Variants in FRYL observed in about 807,000 individuals in gnomAD.
FRYL encodes the protein FRY like transcription coactivator.
In FRYL, 150 loss-of-function variants were observed where a neutral mutation model predicts 351.2. The observed-to-expected ratio is 0.43, with a 90% CI of 0.37 to 0.49. The LOEUF (loss-of-function observed/expected upper bound fraction) is 0.49. Among genes scored for constraint, FRYL ranks in the 20% least tolerant of loss-of-function variants. The pLI is 0.00. For synonymous variants in FRYL, 1,153 were observed against 1,257.1 expected (o/e 0.92, Z 1.75); for missense variants, 3,036 against 3,619.3 (o/e 0.84, Z 4.13).
chr4:48,499,684 AAAATAC>A lies in FRYL; in HGVS notation c.8784-10_8784-5del. Reference sequence around the variant, plus strand: ...GATATCACTGGGCCAGAGAGATCTGAAAATACACAATAGTTTTTCAGTTCTGAGACT... The same window carrying A: ...GATATCACTGGGCCAGAGAGATCTGAACAATAGTTTTTCAGTTCTGAGACT... On this transcript the variant is annotated splice_polypyrimidine_tract_variant and splice_region_variant and intron_variant, in intron 63 of 63. Coordinates refer to ENST00000358350, the MANE Select transcript of FRYL (RefSeq NM_015030.2). The A allele has an allele frequency of 6.2e-7, 1 of 1,612,380 alleles. No individual in the cohort carries two copies. Among genetic ancestry groups the A allele is most frequent in the Non-Finnish European group, 8.5e-7 (1 of 1,178,948 alleles).
intron 26 of FRYL, 135 bp from the exon 27 acceptor site, chr4:48,571,053 G>A (rs1332564087): frequency 1.4e-5 from 8 of 581,816 alleles, no homozygotes; most frequent in African/African-American, 1.3e-4. Flanking sequence ...TGGGTACTCT[G>A]GTAGCTACTG....
At chr4:48,618,355 C>T (rs1749972213) in intron 7 of FRYL, 1 of 152,194 alleles carries the variant, frequency 6.6e-6, no homozygotes, top group East Asian at 1.9e-4. Flanking sequence ...AATTCAAGTA[C>T]TTTTATACTA....
At chr4:48,653,733 T>C in intron 3 of FRYL, 2 of 1,290,962 alleles carry the variant, frequency 1.5e-6, no homozygotes, top group Non-Finnish European at 2.0e-6. Flanking sequence ...TCCAGGACTT[T>C]AACAAGGACT....
rs762647686 is a variant in FRYL, at chr4:48,567,538, C to T, written c.2997-118G>A. On this transcript the variant is annotated intron_variant, in intron 27 of 63. Coordinates refer to ENST00000358350, the MANE Select transcript of FRYL (RefSeq NM_015030.2). This position sits in a 1 kb window ranked among gnomAD's most constrained non-coding sequence, Gnocchi z 4.2. ...TTAATTTTGCATGCTCATGGCAGCA[C>T]GCAACTTAATATATGAAAATTAAAT... is the stretch of plus-strand genomic sequence containing the variant. 21 of 636,314 alleles carry T rather than the reference C, an allele frequency of 3.3e-5. No homozygotes were observed. Among genetic ancestry groups the T allele is most frequent in the Admixed American group, 1.5e-4 (4 of 26,588 alleles). The allele number at this position is 636,314 out of a possible 1,614,324, so 39.4% of individuals were successfully genotyped here. A position where few individuals can be genotyped will look rare whatever the true frequency, so the allele number is the denominator to read the frequency against.
chr4:48,600,961 T>C (rs1745581488), intron 13 of FRYL, among the ~76,000 whole-genome samples: 1 of 152,068 alleles, frequency 6.6e-6, no homozygotes, highest in Admixed American at 6.6e-5. Context: ...AGAAGGAAAA[T>C]AGACAAAAAC....
intron 13 of FRYL, 56 bp from the exon 14 acceptor site, chr4:48,596,056 C>T (rs1560682974): frequency 9.0e-7 from 1 of 1,116,712 alleles, no homozygotes; most frequent in Admixed American, 2.3e-5. Context: ...CACTTAACAG[C>T]AAACATATTC....
intron 37 of FRYL, among the ~76,000 whole-genome samples, chr4:48,550,929 G>A (rs770250438): frequency 7.9e-5 from 12 of 151,980 alleles, no homozygotes; most frequent in African/African-American, 1.2e-4. Flanking sequence ...AAAATTAGCC[G>A]AGCGTGGTGA....
intron 1 of FRYL, among the ~76,000 whole-genome samples, chr4:48,776,974 A>G (rs28696800): frequency 8.6e-4 from 131 of 152,266 alleles, no homozygotes; most frequent in African/African-American, 3.0e-3. Flanking sequence ...TCCTTTTCCT[A>G]AGAATCGTAA....
chr4:48,658,693 G>T (rs1289458586), intron 3 of FRYL, among the ~76,000 whole-genome samples: 1 of 151,310 alleles, frequency 6.6e-6, no homozygotes. Flanking sequence ...AGTCGAGGCC[G>T]CAGTGAGCCA....
chr4:48,682,254 T>C (rs1764706729), intron 3 of FRYL, among the ~76,000 whole-genome samples: 2 of 151,802 alleles, frequency 1.3e-5, no homozygotes. Flanking sequence ...CAGGAAAAAA[T>C]GGTTGAAAAA....
intron 30 of FRYL, 57 bp downstream of exon 30, chr4:48,564,876 C>T: frequency 1.1e-6 from 1 of 929,448 alleles, no homozygotes; most frequent in South Asian, 1.6e-5. Context: ...CATACATTAA[C>T]TGCAAATAAT....
intron 3 of FRYL, among the ~76,000 whole-genome samples, chr4:48,664,459 A>G (rs1048486971): frequency 6.6e-5 from 10 of 152,216 alleles, no homozygotes; most frequent in African/African-American, 2.4e-4. Flanking sequence ...TTCCTGATGT[A>G]TTTGGTGACT....
chr4:48,656,123 T>C (rs1758893344), intron 3 of FRYL, among the ~76,000 whole-genome samples: 1 of 127,238 alleles, frequency 7.9e-6, no homozygotes, highest in Non-Finnish European at 1.6e-5. Flanking sequence ...TATACATAAA[T>C]AATATATACA....
chr4:48,603,146 C>A lies in FRYL; in HGVS notation c.933+144G>T, dbSNP rs1464438856. On this transcript the variant is annotated intron_variant, in intron 12 of 63. Transcript: ENST00000358350. ...TTTAAATAGAGCCACGCAAAACATA[C>A]GTATGTAAAACTTGCCCTTGTATTG... is the stretch of plus-strand genomic sequence containing the variant. The A allele has an allele frequency of 4.6e-6, 3 of 648,852 alleles. No homozygotes were observed. The African/African-American group carries it at 5.6e-5, about 12-fold the overall frequency. 40.2% of individuals were successfully genotyped at this position (648,852 alleles called of 1,614,324 possible). A position where few individuals can be genotyped will look rare whatever the true frequency, so the allele number is the denominator to read the frequency against.
intron 34 of FRYL, 145 bp from the exon 35 acceptor site, chr4:48,557,263 A>C: frequency 1.7e-6 from 2 of 1,193,176 alleles, no homozygotes; most frequent in Non-Finnish European, 2.3e-6. Flanking sequence ...ATTTCTTCCA[A>C]CAAATCTAAA....
chr4:48,650,288 A>C (rs1032202265), intron 3 of FRYL, among the ~76,000 whole-genome samples: 1 of 152,172 alleles, frequency 6.6e-6, no homozygotes, highest in African/African-American at 2.4e-5. Context: ...TCCCAACAAA[A>C]ATTATTGCAG....
intron 23 of FRYL, among the ~76,000 whole-genome samples, chr4:48,576,946 T>C (rs561882909): frequency 6.6e-6 from 1 of 152,314 alleles, no homozygotes; most frequent in East Asian, 1.9e-4. Context: ...TTTTATTTTG[T>C]ATCTACCTTT....
At chr4:48,723,331 C>A (rs1769700408) in intron 1 of FRYL, among the ~76,000 whole-genome samples, 2 of 151,884 alleles carry the variant, frequency 1.3e-5, no homozygotes, top group South Asian at 4.2e-4. Flanking sequence ...TTAGTAGAGA[C>A]AGAGTCTCAC....
intron 4 of FRYL, among the ~76,000 whole-genome samples, chr4:48,624,690 T>A (rs1469255194): frequency 6.6e-6 from 1 of 152,234 alleles, no homozygotes; most frequent in African/African-American, 2.4e-5. Context: ...TCAACTGGAC[T>A]GGGCCATGGG....
Sources: gnomAD v4.1 joint callset for allele counts (sites outside exome capture counted in the v4.1 genomes callset) on GRCh38, gnomAD v4.1.1 for gene constraint, Gnocchi (gnomAD v3.1) non-coding constraint, MANE v1.5 for transcripts, NCBI Gene and HGNC (gene_info 2026-07-23, HGNC 2026-07-21) for gene names.